Variants in ANGPT1 observed in about 807,000 individuals in gnomAD.
ANGPT1 encodes angiopoietin 1.
In ANGPT1, 17 loss-of-function variants were observed where a neutral mutation model predicts 62.2. The ratio of observed to expected loss-of-function variants is 0.27; its 90% CI spans 0.19 to 0.41. ANGPT1 has a LOEUF of 0.41. Among genes scored for constraint, ANGPT1 ranks in the 10% least tolerant of loss-of-function variants. ANGPT1 has a pLI of 1.00. For synonymous variants in ANGPT1, 199 were observed against 198.9 expected (o/e 1.00, Z 0.00); for missense variants, 478 against 594.9 (o/e 0.80, Z 2.04).
At chr8:107,365,816 A>G (rs1473072007) in intron 1 of ANGPT1, among the ~76,000 whole-genome samples, 1 of 151,894 alleles carries the variant, frequency 6.6e-6, no homozygotes, top group Non-Finnish European at 1.5e-5. Context: ...TGTGACCCAC[A>G]GTAAGAAGTG....
chr8:107,374,637 G>T (rs1274153798), intron 1 of ANGPT1, among the ~76,000 whole-genome samples: 1 of 152,150 alleles, frequency 6.6e-6, no homozygotes, highest in Non-Finnish European at 1.5e-5. Flanking sequence ...CTGTCTGGTC[G>T]CAAATTGCCT....
At chr8:107,340,536 G>T (rs1019517363) in intron 2 of ANGPT1, among the ~76,000 whole-genome samples, 6 of 151,998 alleles carry the variant, frequency 3.9e-5, no homozygotes, top group Non-Finnish European at 7.4e-5. Context: ...GATTGAGGTA[G>T]AAAGAAAATC....
intron 1 of ANGPT1, among the ~76,000 whole-genome samples, chr8:107,378,989 A>G (rs1816584901): frequency 6.6e-6 from 1 of 151,550 alleles, no homozygotes; most frequent in African/African-American, 2.4e-5. Flanking sequence ...TTTTAGTCCT[A>G]CAGTCTATTC....
intron 1 of ANGPT1, among the ~76,000 whole-genome samples, chr8:107,420,730 G>T (rs1469290915): frequency 6.6e-6 from 1 of 152,094 alleles, no homozygotes; most frequent in East Asian, 1.9e-4. Context: ...TGAATCACAA[G>T]ATATTGAGTT....
At chr8:107,382,476 T>TAG (rs144058478) in intron 1 of ANGPT1, among the ~76,000 whole-genome samples, 220 of 152,160 alleles carry the variant, frequency 1.4e-3, no homozygotes, top group African/African-American at 4.8e-3. Context: ...ATGTGCTCCA[T>TAG]AGCACCAGGG....
intron 1 of ANGPT1, among the ~76,000 whole-genome samples, chr8:107,417,258 T>G (rs1227732298): frequency 6.6e-6 from 1 of 152,156 alleles, no homozygotes; most frequent in Admixed American, 6.5e-5. Context: ...TAGGTTGCCA[T>G]TATAGATTCT....
chr8:107,385,129 T>C (rs1015825862), intron 1 of ANGPT1, among the ~76,000 whole-genome samples: 1 of 152,054 alleles, frequency 6.6e-6, no homozygotes, highest in African/African-American at 2.4e-5. Flanking sequence ...AGTTTTGGAA[T>C]GTCGTTTGTT....
At chr8:107,405,869 T>C (rs912766177) in intron 1 of ANGPT1, among the ~76,000 whole-genome samples, 5 of 151,932 alleles carry the variant, frequency 3.3e-5, no homozygotes, top group Non-Finnish European at 5.9e-5. Context: ...TAAAATTTGA[T>C]ATTCCTCTCA....
chr8:107,364,343 A>G (rs986957290), intron 1 of ANGPT1, among the ~76,000 whole-genome samples: 5 of 152,116 alleles, frequency 3.3e-5, no homozygotes, highest in Non-Finnish European at 7.4e-5. Context: ...TGCAGTGGTG[A>G]AATCTCGACT....
chr8:107,288,788 G>A (rs1032108288), intron 6 of ANGPT1, among the ~76,000 whole-genome samples: 20 of 152,066 alleles, frequency 1.3e-4, no homozygotes, highest in African/African-American at 4.3e-4. Context: ...TTGATTACAT[G>A]TCTGGGACTG....
chr8:107,468,142 A>T (rs1812254129), intron 1 of ANGPT1, among the ~76,000 whole-genome samples: 1 of 152,100 alleles, frequency 6.6e-6, no homozygotes, highest in Admixed American at 6.6e-5. Context: ...CCTAATAATC[A>T]GTTCTCCTTT....
At chr8:107,365,316 T>C (rs1374967688) in intron 1 of ANGPT1, among the ~76,000 whole-genome samples, 1 of 152,186 alleles carries the variant, frequency 6.6e-6, no homozygotes, top group Non-Finnish European at 1.5e-5. Context: ...CCTCAAATGG[T>C]GCTCTCCCCC....
chr8:107,434,411 T>C (rs1392764097), intron 1 of ANGPT1, among the ~76,000 whole-genome samples: 2 of 152,138 alleles, frequency 1.3e-5, no homozygotes, highest in Non-Finnish European at 2.9e-5. Context: ...TTTGAAATAC[T>C]TCGCTTGGGG....
At chr8:107,259,653 C>T (rs2514876) in intron 8 of ANGPT1, among the ~76,000 whole-genome samples, 49,635 of 151,952 alleles carry the variant, frequency 0.33, 9,081 homozygotes, top group South Asian at 0.46. Flanking sequence ...GAATGTAAAA[C>T]GGTAACATAT....
chr8:107,308,592 G>A (rs1814776795), intron 4 of ANGPT1, among the ~76,000 whole-genome samples: 1 of 152,134 alleles, frequency 6.6e-6, no homozygotes, highest in Non-Finnish European at 1.5e-5. Context: ...CTACCTAGAA[G>A]AGATAACAGT....
intron 1 of ANGPT1, among the ~76,000 whole-genome samples, chr8:107,387,223 G>A (rs891149057): frequency 1.5e-4 from 23 of 152,038 alleles, no homozygotes; most frequent in African/African-American, 2.4e-5. Context: ...AAGGATCAAA[G>A]GTGCCAAGTA....
intron 1 of ANGPT1, among the ~76,000 whole-genome samples, chr8:107,406,094 A>C (rs1817142700): frequency 1.3e-5 from 2 of 151,946 alleles, no homozygotes; most frequent in Non-Finnish European, 2.9e-5. Context: ...TAATAATTAA[A>C]ATATAATATG....
chr8:107,492,128 T>A (rs1362136717), intron 1 of ANGPT1, among the ~76,000 whole-genome samples: 2 of 152,168 alleles, frequency 1.3e-5, no homozygotes, highest in African/African-American at 2.4e-5. Context: ...TTAATACAGA[T>A]TCTGAAGGGC....
At chr8:107,388,556 T>C (rs890747370) in intron 1 of ANGPT1, among the ~76,000 whole-genome samples, 4 of 152,160 alleles carry the variant, frequency 2.6e-5, no homozygotes, top group Admixed American at 2.6e-4. Context: ...ACATCTTAGC[T>C]CGTTGTCATT....
Sources: allele counts gnomAD v4.1 joint callset (sites outside exome capture counted in the v4.1 genomes callset), GRCh38; gene constraint gnomAD v4.1.1; transcripts MANE v1.5; gene names NCBI Gene and HGNC (gene_info 2026-07-23, HGNC 2026-07-21).